The following DLGAP2 variants were observed in gnomAD, a reference collection of about 807,000 sequenced individuals.
DLGAP2 encodes DLG associated protein 2, also known as disks large-associated protein 2.
In DLGAP2, 26 loss-of-function variants were observed where a neutral mutation model predicts 100.3. That is an observed-to-expected ratio of 0.26 (90% CI 0.19 to 0.36). The LOEUF (loss-of-function observed/expected upper bound fraction) is 0.36. DLGAP2 is among the 10% of genes least tolerant of loss of function. The pLI is 1.00. For missense variants in DLGAP2, 1,858 were observed against 1,453.2 expected (o/e 1.28, Z -4.53); for synonymous variants, 886 against 630.1 (o/e 1.41, Z -6.08).
intron 4 of DLGAP2, among the ~76,000 whole-genome samples, chr8:1,503,264 T>C (rs1262672925): frequency 2.6e-5 from 4 of 152,204 alleles, no homozygotes; most frequent in Admixed American, 6.5e-5. Context: ...AGTAAAACTC[T>C]GTCCCCATGA....
intron 2 of DLGAP2, among the ~76,000 whole-genome samples, chr8:1,013,253 T>C (rs1258972454): frequency 6.6e-6 from 1 of 152,198 alleles, no homozygotes; most frequent in African/African-American, 2.4e-5. Context: ...AGTTAAGCAT[T>C]TGTGAACTAA....
chr8:1,164,849 T>C (rs10096352), intron 2 of DLGAP2, among the ~76,000 whole-genome samples: 101,691 of 151,988 alleles, frequency 0.67, 34,137 homozygotes, highest in African/African-American at 0.7. Context: ...TTGTCAGCGT[T>C]GCTGAGACAG....
chr8:1,454,839 A>T (rs1051970574), intron 3 of DLGAP2, among the ~76,000 whole-genome samples: 1 of 152,110 alleles, frequency 6.6e-6, no homozygotes, highest in African/African-American at 2.4e-5. Context: ...CCCCATCAGG[A>T]TGATGGAAGG....
chr8:856,337 C>T (rs975697495), intron 1 of DLGAP2, among the ~76,000 whole-genome samples: 3 of 151,946 alleles, frequency 2.0e-5, no homozygotes, highest in Admixed American at 2.0e-4. Context: ...TACAGGCACA[C>T]ACCACCACGC....
chr8:1,430,029 C>CAT (rs1298205913), intron 3 of DLGAP2, among the ~76,000 whole-genome samples: 1 of 39,252 alleles, frequency 2.5e-5, no homozygotes, highest in East Asian at 1.0e-3. Context: ...TATATATATA[C>CAT]ACACACACAC....
chr8:931,270 G>T (rs1798949637), intron 2 of DLGAP2, among the ~76,000 whole-genome samples: 1 of 152,310 alleles, frequency 6.6e-6, no homozygotes. Context: ...TGTTTCTGAA[G>T]AAGTGGTTTC....
chr8:1,043,265 G>T (rs1802420006), intron 2 of DLGAP2, among the ~76,000 whole-genome samples: 1 of 117,046 alleles, frequency 8.5e-6, no homozygotes, highest in African/African-American at 3.2e-5. Flanking sequence ...GTGGGTGGTG[G>T]ATGTGGGTGG....
Position 1,205,652 on chromosome 8 carries a change from G to A in DLGAP2, c.74-53199G>A, listed in dbSNP as rs868595949. 2.0e-5 allele frequency among the ~76,000 whole-genome samples: 3 copies of A among 152,312 alleles called. No individual in the cohort carries two copies. In the South Asian group the frequency reaches 6.2e-4, roughly 32 times the overall value. On this transcript the variant is annotated intron_variant, in intron 2 of 14. Transcript: ENST00000637795. ...CCTCTGCTCAGCTCGCCTCGGGAAAGGCACAGGTGGGAAGGCTGGACAGGT... is the reference window on the plus strand; with the variant it reads ...CCTCTGCTCAGCTCGCCTCGGGAAAAGCACAGGTGGGAAGGCTGGACAGGT...
At chr8:1,535,155 A>G (rs1801115618) in intron 4 of DLGAP2, among the ~76,000 whole-genome samples, 2 of 152,252 alleles carry the variant, frequency 1.3e-5, no homozygotes, top group Non-Finnish European at 1.5e-5. Context: ...GCTCCCCGAC[A>G]GATGCCCAGA....
chr8:1,164,292 G>A (rs1467447100), intron 2 of DLGAP2, among the ~76,000 whole-genome samples: 1 of 45,018 alleles, frequency 2.2e-5, no homozygotes, highest in Non-Finnish European at 5.2e-5. Context: ...GACTGATTGT[G>A]AGCCCCCCAG....
At chr8:1,055,371 TC>T (rs1802848206) in intron 2 of DLGAP2, among the ~76,000 whole-genome samples, 2 of 152,322 alleles carry the variant, frequency 1.3e-5, no homozygotes, top group Non-Finnish European at 2.9e-5. Flanking sequence ...TTTGGAGTCA[TC>T]CGTCCCCTGT....
At chr8:1,658,134 C>T (rs1280817520) in intron 8 of DLGAP2, among the ~76,000 whole-genome samples, 4 of 152,094 alleles carry the variant, frequency 2.6e-5, no homozygotes, top group Non-Finnish European at 5.9e-5. Flanking sequence ...CTCCCACCCT[C>T]GTCTTTTATT....
At chr8:1,546,542 T>G (rs1384674818) in intron 4 of DLGAP2, among the ~76,000 whole-genome samples, 1 of 152,238 alleles carries the variant, frequency 6.6e-6, no homozygotes, top group Non-Finnish European at 1.5e-5. Flanking sequence ...AGGCCATACC[T>G]AGGACTAGTC....
chr8:1,123,062 A>T (rs931022534), intron 2 of DLGAP2, among the ~76,000 whole-genome samples: 7 of 152,230 alleles, frequency 4.6e-5, no homozygotes, highest in African/African-American at 1.7e-4. Context: ...TAAATATTCA[A>T]ATGTATTTGA....
At chr8:1,641,961 A>G (rs972694463) in intron 8 of DLGAP2, among the ~76,000 whole-genome samples, 1 of 78,692 alleles carries the variant, frequency 1.3e-5, no homozygotes, top group African/African-American at 8.2e-5. Flanking sequence ...CACCTGTGTC[A>G]CCCTCGACCC....
chr8:864,542 C>G (rs560753867), intron 1 of DLGAP2, among the ~76,000 whole-genome samples: 1 of 152,330 alleles, frequency 6.6e-6, no homozygotes, highest in South Asian at 2.1e-4. Flanking sequence ...AGGCCAATCT[C>G]TGCAGTGGTT....
intron 3 of DLGAP2, among the ~76,000 whole-genome samples, chr8:1,374,793 C>T (rs1435294802): frequency 6.6e-6 from 1 of 152,228 alleles, no homozygotes; most frequent in Non-Finnish European, 1.5e-5. Context: ...AACGTCAAGG[C>T]TTCAGTCCGA....
intron 2 of DLGAP2, among the ~76,000 whole-genome samples, chr8:1,179,528 C>T (rs1342565453): frequency 6.6e-6 from 1 of 152,260 alleles, no homozygotes; most frequent in Non-Finnish European, 1.5e-5. Context: ...GATGAGGCTT[C>T]CACCTCTCTC....
At chr8:1,223,975 A>T (rs1202720209) in intron 2 of DLGAP2, among the ~76,000 whole-genome samples, 1 of 152,206 alleles carries the variant, frequency 6.6e-6, no homozygotes, top group Non-Finnish European at 1.5e-5. Context: ...ATTTTACCTT[A>T]TTAATTTTGA....
Sources: gnomAD v4.1 joint callset for allele counts (sites outside exome capture counted in the v4.1 genomes callset) on GRCh38, gnomAD v4.1.1 for gene constraint, MANE v1.5 for transcripts, NCBI Gene and HGNC (gene_info 2026-07-23, HGNC 2026-07-21) for gene names.